INSR: variants seen among roughly 807,000 people sequenced by gnomAD.
INSR encodes insulin receptor, also known as IR.
In INSR, 67 loss-of-function variants were observed where a neutral mutation model predicts 142.6. The observed-to-expected ratio is 0.47, with a 90% CI of 0.39 to 0.58. The LOEUF (loss-of-function observed/expected upper bound fraction) is 0.58. INSR is among the 20% of genes least tolerant of loss of function. INSR has a pLI of 0.00. For synonymous variants in INSR, 756 were observed against 743.1 expected (o/e 1.02, Z -0.28); for missense variants, 1,248 against 1,833.2 (o/e 0.68, Z 5.83).
In INSR at chr19:7,246,482, G is replaced by A. The variant is rs116067197; in HGVS notation, c.652+20863C>T. ...CCATCCAGCTACCAGACAACCCACT[G>A]GTTGATCCCAGACATGAGAGAGAAA... On this transcript the variant is annotated intron_variant, in intron 2 of 21. Transcript: ENST00000302850. Among the ~76,000 whole-genome samples, 1,435 of 152,244 alleles carry A rather than the reference G, an allele frequency of 9.4e-3. 22 individuals are homozygous for A. Among genetic ancestry groups the A allele is most frequent in the African/African-American group, 0.033 (1,355 of 41,564 alleles).
At position 7,145,853 on chromosome 19, in the gene INSR, A is replaced by T. The variant is rs72990452; in HGVS notation, c.2268-2763T>A. ...CCCAGAGAAATGTTAATTAGTAATGATGAGATGGGGCTTCCTTGTTTTGTT... is the reference window on the plus strand; with the variant it reads ...CCCAGAGAAATGTTAATTAGTAATGTTGAGATGGGGCTTCCTTGTTTTGTT... On this transcript the variant is annotated intron_variant, in intron 11 of 21. Transcript: ENST00000302850. Among the ~76,000 whole-genome samples, 296 of 152,356 alleles carry T rather than the reference A, an allele frequency of 1.9e-3. 1 individual carries two copies. Among genetic ancestry groups the T allele is most frequent in the Non-Finnish European group, 3.5e-3 (236 of 68,032 alleles).
intron 7 of INSR, 126 bp downstream of exon 7, chr19:7,167,842 T>C (rs1973922430): frequency 3.5e-6 from 4 of 1,155,104 alleles, no homozygotes; most frequent in South Asian, 1.3e-5. Flanking sequence ...GAACCTAAGA[T>C]ATTTATTCCA....
At chr19:7,181,066 G>A (rs891360547) in intron 3 of INSR, among the ~76,000 whole-genome samples, 6 of 151,894 alleles carry the variant, frequency 4.0e-5, no homozygotes, top group East Asian at 3.9e-4. Flanking sequence ...TCAGCCTCCC[G>A]AGTAGCTGGG....
chr19:7,227,092 T>A (rs8103955), intron 2 of INSR, among the ~76,000 whole-genome samples: 9,689 of 152,200 alleles, frequency 0.064, 778 homozygotes, highest in East Asian at 0.22. Flanking sequence ...TGACTTTTGC[T>A]CTTGGGATGG....
At chr19:7,179,174 A>C (rs1974213536) in intron 3 of INSR, among the ~76,000 whole-genome samples, 1 of 152,188 alleles carries the variant, frequency 6.6e-6, no homozygotes, top group African/African-American at 2.4e-5. Context: ...GGCCTCCCAA[A>C]GTGCTGGGAT....
intron 2 of INSR, among the ~76,000 whole-genome samples, chr19:7,187,917 G>A (rs1014423212): frequency 4.6e-5 from 7 of 152,078 alleles, no homozygotes; most frequent in African/African-American, 1.2e-4. Context: ...TCTCCCAGAC[G>A]AGACAGTTCA....
chr19:7,220,189 C>T (rs1005976834), intron 2 of INSR, among the ~76,000 whole-genome samples: 1 of 152,188 alleles, frequency 6.6e-6, no homozygotes, highest in African/African-American at 2.4e-5. Flanking sequence ...GTTCTATCTC[C>T]AGGAATGCTG....
chr19:7,227,638 T>A (rs1975829351), intron 2 of INSR, among the ~76,000 whole-genome samples: 1 of 152,106 alleles, frequency 6.6e-6, no homozygotes, highest in Non-Finnish European at 1.5e-5. Flanking sequence ...TTGCATCGAC[T>A]CCAGCCAGCT....
rs150114699 is a variant in INSR at position 7,126,626 on chromosome 19, G to T, written c.2971C>A (p.Leu991Ile). The change falls in exon 16 of 22, where the codon CTT becomes ATT. Residue 991 changes from leucine to isoleucine, a missense_variant. Around this residue, in one of 3 missense-constraint regions of INSR, gnomAD observed 1,069 missense variants for 1,654.0 expected, o/e 0.65. Transcript: ENST00000302850. ...TACTCAGGGTTTGAAGAAGCGTAAA[G>T]CGGTCCCAGCGGCCCATCTGGCTGC... is the stretch of plus-strand genomic sequence containing the variant. ...KRQPDGPLGP[L>I]YASSNPEYLS... The T allele has an allele frequency of 5.2e-4, 810 of 1,565,510 alleles. No homozygotes were observed. The African/African-American group carries it at 9.5e-3, about 18-fold the overall frequency.
At chr19:7,213,215 AC>A (rs1341675323) in intron 2 of INSR, among the ~76,000 whole-genome samples, 6 of 151,836 alleles carry the variant, frequency 4.0e-5, no homozygotes, top group Non-Finnish European at 8.8e-5. Flanking sequence ...GTGGTGGAGC[AC>A]GTCTGTAGTC....
At chr19:7,242,785 T>A (rs1600082796) in intron 2 of INSR, among the ~76,000 whole-genome samples, 1 of 137,220 alleles carries the variant, frequency 7.3e-6, no homozygotes. Context: ...TGGTGTAATA[T>A]CATGAAACCA....
rs71177186 is a variant in INSR, at chr19:7,242,734, CAAAAAAAAA to C, written c.652+24602_652+24610del. Among the ~76,000 whole-genome samples the C allele has an allele frequency of 3.3e-5, 3 of 92,154 alleles. No homozygotes were observed. In the South Asian group the frequency reaches 1.1e-3, roughly 33 times the overall value. The allele number at this position is 92,154 out of a possible 152,430, so 60.5% of individuals were successfully genotyped here. On this transcript the variant is annotated intron_variant, in intron 2 of 21. Transcript: ENST00000302850. ...CCTGGGTGACACAGCGAGACTGCCTCAAAAAAAAAAAAAAAAAAAACAGCTACAACTCTG... is the reference window on the plus strand; with the variant it reads ...CCTGGGTGACACAGCGAGACTGCCTCAAAAAAAAAAACAGCTACAACTCTG...
At chr19:7,199,147 T>C (rs921544725) in intron 2 of INSR, among the ~76,000 whole-genome samples, 7 of 152,062 alleles carry the variant, frequency 4.6e-5, no homozygotes, top group African/African-American at 1.7e-4. Context: ...TACCAAAGTG[T>C]TGGGATTACA....
chr19:7,117,197 C>T lies in INSR; in HGVS notation c.4008G>A (p.Gln1336=). The change falls in exon 22 of 22, where the codon CAG becomes CAA. Residue 1336 remains glutamine, a synonymous_variant. Coordinates refer to ENST00000302850, the MANE Select transcript of INSR (RefSeq NM_000208.4). The stretch of plus-strand genomic sequence containing the variant: ...CATCCCGGCCCCCCGCCTCCTCCCT[C>T]TGACAGTGCGAGGAACGGTCCAGGG... The part of the protein sequence containing the change: ...NVPLDRSSHC[Q]REEAGGRDGG... 1 of 1,614,208 alleles carries T rather than the reference C, an allele frequency of 6.2e-7. No individual in the cohort carries two copies. The highest frequency in any genetic ancestry group is 8.5e-7 in the Non-Finnish European group (1 of 1,180,044).
intron 19 of INSR, 136 bp downstream of exon 19, chr19:7,122,478 A>C (rs1972516415): frequency 2.1e-6 from 2 of 936,160 alleles, no homozygotes; most frequent in South Asian, 1.5e-5. Flanking sequence ...AACAAAAAAA[A>C]CCCCACAAAA....
intron 3 of INSR, among the ~76,000 whole-genome samples, chr19:7,178,877 A>G (rs1974206605): frequency 6.6e-6 from 1 of 152,164 alleles, no homozygotes. Flanking sequence ...ATCTTGCCGT[A>G]TGTGTATCCT....
intron 9 of INSR, among the ~76,000 whole-genome samples, chr19:7,153,154 A>T (rs1177953127): frequency 1.4e-5 from 1 of 69,312 alleles, no homozygotes; most frequent in Non-Finnish European, 3.8e-5. Flanking sequence ...ACCACACAAC[A>T]CACCACACAT....
At chr19:7,229,303 T>TGGATGGAG (rs1323229821) in intron 2 of INSR, among the ~76,000 whole-genome samples, 3 of 50,368 alleles carry the variant, frequency 6.0e-5, no homozygotes, top group African/African-American at 5.5e-5. Context: ...GGAGGGATGA[T>TGGATGGAG]GGATGGATGG....
Position 7,114,716 on chromosome 19 carries a change from T to C in INSR, c.*2340A>G, listed in dbSNP as rs78987925. The C allele has an allele frequency of 0.012, 1,803 of 152,708 alleles. 16 individuals carry two copies. The highest frequency in any genetic ancestry group is 0.016 in the Non-Finnish European group (1,081 of 68,014). The allele number at this position is 152,708 out of a possible 1,614,324, so 9.5% of individuals were successfully genotyped here. A position where few individuals can be genotyped will look rare whatever the true frequency, so the allele number is the denominator to read the frequency against. On this transcript the variant is annotated 3_prime_UTR_variant, in exon 22 of 22. Transcript: ENST00000302850. ...CCCCCATTCACCTGTTTATTTTTCT[T>C]TGATAAAAATTTACATGCGCTCCAT... is the stretch of plus-strand genomic sequence containing the variant.
Sources: allele counts gnomAD v4.1 joint callset (sites outside exome capture counted in the v4.1 genomes callset), GRCh38; gene constraint gnomAD v4.1.1; regional missense constraint gnomAD v4.1.1; transcripts MANE v1.5; gene names NCBI Gene and HGNC (gene_info 2026-07-23, HGNC 2026-07-21).